The following MICOS10 variants were observed in gnomAD, a reference collection of about 807,000 sequenced individuals.
The protein encoded by MICOS10 is MICOS complex subunit MIC10.
MICOS10 carries 5 observed loss-of-function variants against 13.4 expected under a neutral mutation model. The ratio of observed to expected loss-of-function variants is 0.37; its 90% confidence interval spans 0.20 to 0.78. The LOEUF (loss-of-function observed/expected upper bound fraction) is 0.78. MICOS10 is among the 30% of genes least tolerant of loss of function. MICOS10 has a pLI of 0.47. For missense variants in MICOS10, 101 were observed against 94.6 expected (o/e 1.07, Z -0.28); for synonymous variants, 35 against 33.6 (o/e 1.04, Z -0.15).
intron 1 of MICOS10, chr1:19,600,869 A>G (rs889918926): frequency 3.3e-5 from 43 of 1,287,634 alleles, no homozygotes; most frequent in Non-Finnish European, 4.4e-5. Flanking sequence ...CCAACGTGCC[A>G]GGATTACAGG....
chr1:19,619,315 A>G (rs1206243589), intron 1 of MICOS10, among the ~76,000 whole-genome samples: 1 of 152,172 alleles, frequency 6.6e-6, no homozygotes, highest in Non-Finnish European at 1.5e-5. Context: ...ATTCCTGCTG[A>G]TTATGTTTGC....
chr1:19,598,294 G>A (rs539540499), intron 1 of MICOS10: 1 of 152,284 alleles, frequency 6.6e-6, no homozygotes, highest in Non-Finnish European at 1.5e-5. Context: ...TCATGGAGTC[G>A]TTGGGAGGAT....
chr1:19,603,294 C>T (rs971747728), intron 1 of MICOS10, among the ~76,000 whole-genome samples: 7 of 152,174 alleles, frequency 4.6e-5, no homozygotes, highest in African/African-American at 1.7e-4. Context: ...CCTGCCATTG[C>T]ACCCCAGCTT....
At chr1:19,611,695 G>A (rs2094862389) in intron 1 of MICOS10, among the ~76,000 whole-genome samples, 1 of 151,856 alleles carries the variant, frequency 6.6e-6, no homozygotes, top group Non-Finnish European at 1.5e-5. Flanking sequence ...TTTAAGGCCA[G>A]GCGCGATGGC....
At position 19,628,576 on chromosome 1, in the gene MICOS10, G is replaced by C. The variant is rs767144785; in HGVS notation, c.*2175G>C. 6.6e-6 allele frequency: 1 copy of C among 151,504 alleles called. No individual in the cohort carries two copies. Among genetic ancestry groups the C allele is most frequent in the Non-Finnish European group, 1.5e-5 (1 of 67,998 alleles). The allele number at this position is 151,504 out of a possible 1,614,324, so 9.4% of individuals were successfully genotyped here. Reference sequence around the variant, plus strand: ...GCACACCTGTAGTCCCAGCTACTCAGGAGGTTGAGGCAGGAGAATCATTTG... The same window carrying C: ...GCACACCTGTAGTCCCAGCTACTCACGAGGTTGAGGCAGGAGAATCATTTG... On this transcript the variant is annotated 3_prime_UTR_variant, in exon 4 of 4. Transcript: ENST00000322753.
intron 1 of MICOS10, chr1:19,600,825 C>A: frequency 8.6e-7 from 1 of 1,158,594 alleles, no homozygotes; most frequent in Non-Finnish European, 1.1e-6. Flanking sequence ...TGGTCTTGAA[C>A]TCAGGGTCCA....
chr1:19,620,997 G>A lies in MICOS10; in HGVS notation c.65-1103G>A, dbSNP rs200488892. On this transcript the variant is annotated intron_variant, in intron 1 of 3. Transcript: ENST00000322753. ...ATTGTAAGCCATTATGTTTTTACTG[G>A]CTTATCTCCCCATTCCGTTGCCTGG... Among the ~76,000 whole-genome samples, 49 of 152,292 alleles carry A rather than the reference G, an allele frequency of 3.2e-4. No individual in the cohort carries two copies. In the East Asian group the frequency reaches 9.3e-3, roughly 29 times the overall value.
intron 1 of MICOS10, among the ~76,000 whole-genome samples, chr1:19,609,486 T>C (rs2094850468): frequency 6.6e-6 from 1 of 152,176 alleles, no homozygotes; most frequent in Admixed American, 6.5e-5. Context: ...CTCCTAGATA[T>C]TTACCAAAGA....
In MICOS10 at chr1:19,604,197, C is replaced by T. The variant is rs1464627039; in HGVS notation, c.64+7088C>T. On this transcript the variant is annotated intron_variant, in intron 1 of 3. Transcript: ENST00000322753. ...ATCTCTAGAGCAGTTAGGACGTTGCCTGTACTTACTAAATATTATTAACTG... is the reference window on the plus strand; with the variant it reads ...ATCTCTAGAGCAGTTAGGACGTTGCTTGTACTTACTAAATATTATTAACTG... 2.0e-5 allele frequency among the ~76,000 whole-genome samples: 3 copies of T among 152,156 alleles called. No homozygotes were observed. The East Asian group carries it at 5.8e-4, about 29-fold the overall frequency.
At chr1:19,610,367 C>CTTTTTTTTTTTTTTTTT (rs773668659) in intron 1 of MICOS10, among the ~76,000 whole-genome samples, 1 of 11,914 alleles carries the variant, frequency 8.4e-5, no homozygotes, top group Non-Finnish European at 1.6e-4. Flanking sequence ...CACCCCCCGG[C>CTTTTTTTTTTTTTTTTT]TTTTTTTTTT....
chr1:19,608,309 C>T (rs772165057), intron 1 of MICOS10: 11 of 1,324,430 alleles, frequency 8.3e-6, no homozygotes, highest in Middle Eastern at 1.8e-4. Context: ...GAAGGCAGAC[C>T]GAGATGAATC....
intron 1 of MICOS10, among the ~76,000 whole-genome samples, chr1:19,610,689 T>C (rs1225003919): frequency 2.0e-5 from 3 of 152,110 alleles, no homozygotes; most frequent in Admixed American, 6.5e-5. Context: ...CTGACATAAT[T>C]GTCGACAGAT....
chr1:19,607,517 T>C (rs1361682950), intron 1 of MICOS10, among the ~76,000 whole-genome samples: 2 of 152,182 alleles, frequency 1.3e-5, no homozygotes, highest in Non-Finnish European at 2.9e-5. Context: ...ACTAGTGAAA[T>C]GTTAGGGCAT....
chr1:19,623,450 G>A, intron 2 of MICOS10, 24 bp from the exon 3 acceptor site: 1 of 1,464,408 alleles, frequency 6.8e-7, no homozygotes, highest in Non-Finnish European at 9.5e-7. Flanking sequence ...TCCCTATTGG[G>A]ATTTTCCCTT....
chr1:19,622,046 T>C, intron 1 of MICOS10, 54 bp from the exon 2 acceptor site: 2 of 1,333,000 alleles, frequency 1.5e-6, no homozygotes, highest in Non-Finnish European at 2.1e-6. Context: ...GTTAATGTTA[T>C]CTTTGTGAAG....
chr1:19,612,448 C>T (rs1044521144), intron 1 of MICOS10, among the ~76,000 whole-genome samples: 4 of 150,898 alleles, frequency 2.7e-5, no homozygotes, highest in African/African-American at 9.7e-5. Context: ...TCTAGCCAGG[C>T]GTGGTGGATC....
At chr1:19,618,623 C>T (rs2094893128) in intron 1 of MICOS10, among the ~76,000 whole-genome samples, 1 of 152,188 alleles carries the variant, frequency 6.6e-6, no homozygotes, top group Non-Finnish European at 1.5e-5. Flanking sequence ...GGCCTGGGGT[C>T]AGAGAGCTGA....
intron 1 of MICOS10, among the ~76,000 whole-genome samples, chr1:19,619,471 A>G (rs1303130724): frequency 6.6e-6 from 1 of 152,198 alleles, no homozygotes; most frequent in Non-Finnish European, 1.5e-5. Context: ...TCCCCCTTTT[A>G]TTACCAAAAG....
Position 19,627,266 on chromosome 1 carries a change from T to C in MICOS10, c.*865T>C, listed in dbSNP as rs1279926993. On this transcript the variant is annotated 3_prime_UTR_variant, in exon 4 of 4. Transcript: ENST00000322753. ...ATTTTAGCAATTTCTTCAGACGATA[T>C]ACAGAACCCCAGCGCTCAGCCGTTC... is the stretch of plus-strand genomic sequence containing the variant. 2 of 152,234 alleles carry C rather than the reference T, an allele frequency of 1.3e-5. No individual in the cohort carries two copies. Among genetic ancestry groups the C allele is most frequent in the African/African-American group, 4.8e-5 (2 of 41,462 alleles). The allele number at this position is 152,234 out of a possible 1,614,324, so 9.4% of individuals were successfully genotyped here.
Sources: gnomAD v4.1 joint callset for allele counts (sites outside exome capture counted in the v4.1 genomes callset) on GRCh38, gnomAD v4.1.1 for gene constraint, MANE v1.5 for transcripts, NCBI Gene and HGNC (gene_info 2026-07-23, HGNC 2026-07-21) for gene names.